Variants in PHF6 observed in about 807,000 individuals in gnomAD.
PHF6 encodes the protein PHD finger protein 6.
A neutral mutation model predicts 34.0 loss-of-function variants in PHF6; 7 were observed. The ratio of observed to expected loss-of-function variants is 0.21; its 90% CI spans 0.12 to 0.39. PHF6 has a LOEUF of 0.39. PHF6 is among the 10% of genes least tolerant of loss of function. PHF6 has a pLI of 1.00. For synonymous variants in PHF6, 89 were observed against 88.4 expected (o/e 1.01, Z -0.04); for missense variants, 128 against 262.8 (o/e 0.49, Z 3.55).
intron 5 of PHF6, among the ~76,000 whole-genome samples, chrX:134,405,859 T>TTA (rs1276504911): frequency 1.9e-5 from 2 of 107,543 alleles, no homozygotes; most frequent in East Asian, 5.7e-4. Context: ...TATAAATGAT[T>TTA]TATATATATA....
At chrX:134,391,409 G>A (rs951958610) in intron 3 of PHF6, among the ~76,000 whole-genome samples, 1 of 111,779 alleles carries the variant, frequency 8.9e-6, no homozygotes, top group East Asian at 2.8e-4. Context: ...AAAATTACTG[G>A]CTTAGAGAAT....
chrX:134,397,348 CAT>C (rs2077381499), intron 5 of PHF6, among the ~76,000 whole-genome samples: 1 of 112,066 alleles, frequency 8.9e-6, no homozygotes, highest in African/African-American at 3.2e-5. Context: ...TGATTCGAAA[CAT>C]ATAAGAAAGC....
rs144186668 is a variant in PHF6 at position 134,417,581 on chromosome X, C to T, written c.968+279C>T. On this transcript the variant is annotated intron_variant, in intron 9 of 10. Coordinates refer to ENST00000370803, the MANE Select transcript of PHF6 (RefSeq NM_001015877.2). ...GTGATCAAAACTACATACACTGGGC[C>T]GGGTGCGGTGGCTCACATCTGTAAT... 7.2e-3 allele frequency: 1,675 copies of T among 233,903 alleles called. 22 individuals carry two copies. Among genetic ancestry groups the T allele is most frequent in the African/African-American group, 0.043 (1,495 of 34,927 alleles). 19.3% of individuals were successfully genotyped at this position (233,903 alleles called of 1,213,427 possible).
intron 8 of PHF6, 176 bp downstream of exon 8, chrX:134,415,296 AT>A (rs760814739): frequency 8.1e-5 from 63 of 779,182 alleles, no homozygotes; most frequent in African/African-American, 4.6e-4. Context: ...ACTGAAACTT[AT>A]TTCTCTATGT....
At chrX:134,422,624 A>G (rs971799420) in intron 9 of PHF6, among the ~76,000 whole-genome samples, 2 of 112,069 alleles carry the variant, frequency 1.8e-5, no homozygotes, top group African/African-American at 6.5e-5. Flanking sequence ...CTGTATTCCT[A>G]TTCGAAAGAC....
intron 8 of PHF6, among the ~76,000 whole-genome samples, chrX:134,416,575 G>A (rs762103076): frequency 9.0e-6 from 1 of 111,487 alleles, no homozygotes; most frequent in African/African-American, 3.3e-5. Context: ...TGGAGAAAAG[G>A]CTGTGAGAAG....
chrX:134,399,007 G>T (rs970171396), intron 5 of PHF6, among the ~76,000 whole-genome samples: 1 of 111,432 alleles, frequency 9.0e-6, no homozygotes, highest in Non-Finnish European at 1.9e-5. Context: ...CTAGGACTGA[G>T]CCTTGAGGAA....
intron 5 of PHF6, among the ~76,000 whole-genome samples, chrX:134,398,997 C>G (rs1351125849): frequency 1.8e-5 from 2 of 111,078 alleles, no homozygotes; most frequent in African/African-American, 6.6e-5. Context: ...AGGAAAGGGC[C>G]TAGGACTGAG....
At chrX:134,394,016 G>C in intron 5 of PHF6, 64 bp downstream of exon 5, 1 of 973,278 alleles carries the variant, frequency 1.0e-6, no homozygotes, top group East Asian at 3.1e-5. Context: ...GTACAGATTA[G>C]TGAATTATAC....
At chrX:134,392,308 G>GT (rs1368970687) in intron 3 of PHF6, among the ~76,000 whole-genome samples, 1 of 112,108 alleles carries the variant, frequency 8.9e-6, no homozygotes, top group Non-Finnish European at 1.9e-5. Flanking sequence ...CAAATGAACA[G>GT]TTTTTTAGAT....
At chrX:134,417,922 G>C (rs2077478085) in intron 9 of PHF6, 1 of 111,482 alleles carries the variant, frequency 9.0e-6, no homozygotes, top group Admixed American at 9.6e-5. Context: ...TATTGGGAGA[G>C]ACCTATTATT....
chrX:134,378,172 AT>A, intron 3 of PHF6, 66 bp downstream of exon 3: 1 of 735,365 alleles, frequency 1.4e-6, no homozygotes, highest in Non-Finnish European at 2.1e-6. Context: ...GAAATTGCTT[AT>A]TTTAGAGTGT....
chrX:134,373,360 C>G lies in PHF6; in HGVS notation c.-154C>G. 1 of 112,889 alleles carries G rather than the reference C, an allele frequency of 8.9e-6. No homozygotes were observed. The highest frequency in any genetic ancestry group is 2.8e-4 in the East Asian group (1 of 3,558). The allele number at this position is 112,889 out of a possible 1,213,427, so 9.3% of individuals were successfully genotyped here. ...CTCCTCGAATGAAAGGAAACAACCT[C>G]CGGCGACAGAGCCCCGCTCTCAGGC... On this transcript the variant is annotated 5_prime_UTR_variant, in exon 1 of 11. Coordinates refer to ENST00000370803, the MANE Select transcript of PHF6 (RefSeq NM_001015877.2).
intron 3 of PHF6, among the ~76,000 whole-genome samples, chrX:134,390,282 T>A (rs988748420): frequency 4.5e-5 from 5 of 112,082 alleles, no homozygotes; most frequent in Admixed American, 9.5e-5. Flanking sequence ...ATAAAATAGG[T>A]CCTGGGAATT....
intron 3 of PHF6, among the ~76,000 whole-genome samples, chrX:134,385,793 G>A (rs938775111): frequency 9.0e-6 from 1 of 111,329 alleles, no homozygotes; most frequent in Admixed American, 9.5e-5. Flanking sequence ...GAGTTTTCAT[G>A]TTTCTTCAGC....
intron 1 of PHF6, 84 bp from the exon 2 acceptor site, chrX:134,377,488 G>T: frequency 1.3e-6 from 1 of 750,418 alleles, no homozygotes; most frequent in Non-Finnish European, 1.9e-6. Flanking sequence ...TAAAACCTAG[G>T]TCAAATTTTT....
intron 3 of PHF6, among the ~76,000 whole-genome samples, chrX:134,384,189 C>T: frequency 9.0e-6 from 1 of 111,268 alleles, no homozygotes. Flanking sequence ...TGAGATAGTT[C>T]AGACTGCTTC....
chrX:134,374,178 T>C (rs1319184443), intron 1 of PHF6, among the ~76,000 whole-genome samples: 7 of 111,907 alleles, frequency 6.3e-5, no homozygotes, highest in Non-Finnish European at 1.1e-4. Context: ...CCGTCTTTCA[T>C]TATATGGATG....
At chrX:134,386,198 T>C (rs1298645909) in intron 3 of PHF6, among the ~76,000 whole-genome samples, 1 of 111,599 alleles carries the variant, frequency 9.0e-6, no homozygotes, top group East Asian at 2.8e-4. Context: ...ATTGTGTGAC[T>C]TACTTAGCGT....
Sources: allele counts gnomAD v4.1 joint callset (sites outside exome capture counted in the v4.1 genomes callset), GRCh38; gene constraint gnomAD v4.1.1; transcripts MANE v1.5; gene names NCBI Gene and HGNC (gene_info 2026-07-23, HGNC 2026-07-21).